Variants in NUP214 observed in about 807,000 individuals in gnomAD.
NUP214 encodes nucleoporin 214, also known as nuclear pore complex protein Nup214.
NUP214 carries 79 observed loss-of-function variants against 196.2 expected under a neutral mutation model. The ratio of observed to expected loss-of-function variants is 0.40; its 90% CI spans 0.34 to 0.49. The LOEUF (loss-of-function observed/expected upper bound fraction) is 0.49, where lower values mean the gene tolerates loss of function less well. NUP214 is among the 20% of genes least tolerant of loss of function. NUP214 has a pLI of 0.58. For synonymous variants in NUP214, 1,020 were observed against 990.5 expected (o/e 1.03, Z -0.56); for missense variants, 2,468 against 2,539.0 (o/e 0.97, Z 0.60).
Position 131,232,516 on chromosome 9 carries a change from C to A in NUP214, c.6239+208C>A. The A allele has an allele frequency of 1.6e-6, 1 of 630,518 alleles. No homozygotes were observed. The highest frequency in any genetic ancestry group is 1.9e-5 in the South Asian group (1 of 53,634). The allele number at this position is 630,518 out of a possible 1,614,324, so 39.1% of individuals were successfully genotyped here. On this transcript the variant is annotated intron_variant, in intron 35 of 35. Transcript: ENST00000359428. The surrounding 1 kb of genome is among the most constrained non-coding windows in gnomAD (Gnocchi z 5.1). ...ATATGGCAGGAGGTGCCAGGCCTCG[C>A]CTTCTTAAGAGGCGTGGTTCAAAGA...
chr9:131,145,460 C>G (rs968249210), intron 12 of NUP214, among the ~76,000 whole-genome samples: 8 of 152,114 alleles, frequency 5.3e-5, no homozygotes, highest in African/African-American at 1.9e-4. Flanking sequence ...CTTGCCTGTA[C>G]TATCTGTTGT....
intron 21 of NUP214, 102 bp downstream of exon 21, chr9:131,164,246 C>T (rs1236831599): frequency 3.0e-6 from 3 of 1,010,600 alleles, no homozygotes; most frequent in African/African-American, 3.2e-5. Flanking sequence ...AGCTAGGGTG[C>T]TGTGTATGTG....
intron 14 of NUP214, among the ~76,000 whole-genome samples, chr9:131,148,416 A>G (rs527372169): frequency 1.1e-4 from 16 of 152,310 alleles, no homozygotes; most frequent in African/African-American, 2.4e-4. Flanking sequence ...TAGCACTGCT[A>G]TGACCGTTCC....
chr9:131,228,104 C>G, intron 32 of NUP214, 56 bp from the exon 33 acceptor site: 1 of 1,464,124 alleles, frequency 6.8e-7, no homozygotes, highest in Non-Finnish European at 9.1e-7. Flanking sequence ...GTCTTCTCTT[C>G]CTGTCTCCTC....
At chr9:131,195,156 T>C (rs1249977338) in intron 27 of NUP214, 77 bp from the exon 28 acceptor site, 10 of 1,019,580 alleles carry the variant, frequency 9.8e-6, no homozygotes, top group Admixed American at 4.3e-5. Context: ...TATGAATGAA[T>C]GATAAAATGG....
chr9:131,163,296 G>A, intron 19 of NUP214, 123 bp downstream of exon 19: 1 of 969,952 alleles, frequency 1.0e-6, no homozygotes, highest in Non-Finnish European at 1.5e-6. Context: ...TGTAATCCTG[G>A]TCAGGGTCCC....
At chr9:131,178,227 C>A in intron 23 of NUP214, 84 bp from the exon 24 acceptor site, 1 of 1,011,846 alleles carries the variant, frequency 9.9e-7, no homozygotes, top group Non-Finnish European at 1.5e-6. Flanking sequence ...GGGCTCATGT[C>A]TTGGTTTTTC....
intron 2 of NUP214, among the ~76,000 whole-genome samples, chr9:131,128,108 C>T (rs1223208601): frequency 6.6e-6 from 1 of 152,162 alleles, no homozygotes; most frequent in Non-Finnish European, 1.5e-5. Flanking sequence ...ACAAGGGCAG[C>T]AGCCACAGTT....
intron 30 of NUP214, among the ~76,000 whole-genome samples, chr9:131,206,761 T>C (rs1191565787): frequency 6.6e-6 from 1 of 152,180 alleles, no homozygotes; most frequent in East Asian, 1.9e-4. Context: ...TAGAATATTA[T>C]CCAGCTATGA....
intron 35 of NUP214, among the ~76,000 whole-genome samples, chr9:131,233,170 T>C (rs926455271): frequency 2.6e-5 from 4 of 151,896 alleles, no homozygotes; most frequent in African/African-American, 9.7e-5. Context: ...TATATACATA[T>C]ATAGATAAAC....
Position 131,138,132 on chromosome 9 carries a change from T to TTC in NUP214, c.1006-1135_1006-1134dup, listed in dbSNP as rs577200616. Among the ~76,000 whole-genome samples the TTC allele has an allele frequency of 2.8e-3, 429 of 151,448 alleles. 3 individuals are homozygous for TTC. Among genetic ancestry groups the TTC allele is most frequent in the African/African-American group, 9.1e-3 (378 of 41,346 alleles). On this transcript the variant is annotated intron_variant, in intron 9 of 35. Transcript: ENST00000359428. ...CTGCCTGCTTGCTTTCTTGCTTGCT[T>TTC]TCTCTCTCTCTCTCTTTTTTCTTCT...
In NUP214 at chr9:131,130,646, G is replaced by A. The variant is rs569526489; in HGVS notation, c.593-120G>A. On this transcript the variant is annotated intron_variant, in intron 4 of 35. Transcript: ENST00000359428. ...TTTTTCCACTTTGCCTGATAGAGAT[G>A]ATCCTACAATCTTCCATGGACTGAC... 247 of 902,952 alleles carry A rather than the reference G, an allele frequency of 2.7e-4. 1 individual carries two copies. The highest frequency in any genetic ancestry group is 4.0e-4 in the Non-Finnish European group (231 of 570,622). The allele number at this position is 902,952 out of a possible 1,614,324, so 55.9% of individuals were successfully genotyped here. A position where few individuals can be genotyped will look rare whatever the true frequency, so the allele number is the denominator to read the frequency against.
intron 21 of NUP214, among the ~76,000 whole-genome samples, chr9:131,168,648 C>T (rs1832856403): frequency 6.6e-6 from 1 of 152,182 alleles, no homozygotes; most frequent in Non-Finnish European, 1.5e-5. Flanking sequence ...TTGTTGTTCA[C>T]CCATGATATG....
chr9:131,151,607 C>T lies in NUP214; in HGVS notation c.2278-129C>T, dbSNP rs1004909177. ...CTAAACAGTTAAATTCTTTTTTTAC[C>T]TGAGTTAAATATGTTCAGATGTTCA... On this transcript the variant is annotated intron_variant, in intron 16 of 35. Coordinates refer to ENST00000359428, the MANE Select transcript of NUP214 (RefSeq NM_005085.4). 11 of 600,132 alleles carry T rather than the reference C, an allele frequency of 1.8e-5. No individual in the cohort carries two copies. The Admixed American group carries it at 2.4e-4, about 13-fold the overall frequency. 37.2% of individuals were successfully genotyped at this position (600,132 alleles called of 1,614,324 possible).
chr9:131,154,132 T>A (rs891652248), intron 17 of NUP214, among the ~76,000 whole-genome samples: 7 of 152,224 alleles, frequency 4.6e-5, no homozygotes, highest in African/African-American at 1.4e-4. Context: ...TAAGGTTACT[T>A]CTACTTCTCT....
intron 28 of NUP214, 141 bp downstream of exon 28, chr9:131,195,435 A>G: frequency 3.4e-6 from 2 of 592,056 alleles, no homozygotes; most frequent in South Asian, 2.3e-5. Flanking sequence ...GATAATGTGC[A>G]TTAGAAATAT....
At chr9:131,132,901 C>G (rs1299506678) in intron 6 of NUP214, 2 of 620,058 alleles carry the variant, frequency 3.2e-6, no homozygotes, top group African/African-American at 3.7e-5. Context: ...ATAATTTGCC[C>G]TGATTATAAT....
rs750523203 is a variant in NUP214, at chr9:131,149,501, G to A, written c.2041-823G>A. 2.1e-4 allele frequency among the ~76,000 whole-genome samples: 32 copies of A among 149,274 alleles called. 1 individual carries two copies. Among genetic ancestry groups the A allele is most frequent in the Admixed American group, 2.7e-4 (4 of 14,702 alleles). On this transcript the variant is annotated intron_variant, in intron 14 of 35. Coordinates refer to ENST00000359428, the MANE Select transcript of NUP214 (RefSeq NM_005085.4). ...GTACCTGTCCCCAGTCCAGGCTGGC[G>A]GGAGGTCTTGTCAGCTCCACCCTCT...
Position 131,222,786 on chromosome 9 carries a change from A to G in NUP214, c.5758A>G (p.Asn1920Asp). The G allele has an allele frequency of 6.2e-7, 1 of 1,614,100 alleles. No homozygotes were observed. Among genetic ancestry groups the G allele is most frequent in the Non-Finnish European group, 8.5e-7 (1 of 1,179,996 alleles). The change falls in exon 32 of 36, where the codon AAC (asparagine) becomes GAC (aspartate). Residue 1920 changes from asparagine to aspartate, a missense_variant. Coordinates refer to ENST00000359428, the MANE Select transcript of NUP214 (RefSeq NM_005085.4). ...CATCTTCATCTCTTCAGATACCTCT[A>G]ACCTATTTGGAAACAGTGGGGCCAA... ...FGSTATSNTS[N>D]LFGNSGAKTF...
Sources: gnomAD v4.1 joint callset for allele counts (sites outside exome capture counted in the v4.1 genomes callset) on GRCh38, gnomAD v4.1.1 for gene constraint, Gnocchi (gnomAD v3.1) non-coding constraint, MANE v1.5 for transcripts, NCBI Gene and HGNC (gene_info 2026-07-23, HGNC 2026-07-21) for gene names.